Variants in CCDC85A observed in about 807,000 individuals in gnomAD.
CCDC85A encodes coiled-coil domain-containing protein 85A.
In CCDC85A, 38 loss-of-function variants were observed where a neutral mutation model predicts 50.2. The ratio of observed to expected loss-of-function variants is 0.76; its 90% CI spans 0.58 to 0.99. CCDC85A has a LOEUF of 0.99. Among genes scored for constraint, CCDC85A ranks in the 50% least tolerant of loss-of-function variants. CCDC85A has a pLI of 0.00. For missense variants in CCDC85A, 820 were observed against 742.0 expected (o/e 1.11, Z -1.22); for synonymous variants, 366 against 301.4 (o/e 1.21, Z -2.22).
intron 2 of CCDC85A, among the ~76,000 whole-genome samples, chr2:56,244,046 C>T (rs1211408397): frequency 1.3e-5 from 2 of 152,138 alleles, no homozygotes; most frequent in East Asian, 3.9e-4. Flanking sequence ...TGGGTCTTGC[C>T]TAAGGCCCAC....
chr2:56,349,329 A>G (rs182547552), intron 3 of CCDC85A, among the ~76,000 whole-genome samples: 9 of 152,302 alleles, frequency 5.9e-5, no homozygotes, highest in Admixed American at 2.6e-4. Context: ...GTGTAGTTCA[A>G]TAGAGCTTTC....
intron 2 of CCDC85A, among the ~76,000 whole-genome samples, chr2:56,201,076 C>CTCT (rs150330240): frequency 0.024 from 3,607 of 147,304 alleles, 51 homozygotes; most frequent in East Asian, 0.035. Flanking sequence ...TCATCTCTCT[C>CTCT]CACACACACA....
At chr2:56,220,668 C>T (rs1054192812) in intron 2 of CCDC85A, among the ~76,000 whole-genome samples, 5 of 151,944 alleles carry the variant, frequency 3.3e-5, no homozygotes, top group Admixed American at 6.6e-5. Context: ...AGTGAAATGA[C>T]GTTCCGGAAG....
intron 2 of CCDC85A, among the ~76,000 whole-genome samples, chr2:56,320,712 C>G (rs142451410): frequency 6.6e-6 from 1 of 152,078 alleles, no homozygotes; most frequent in African/African-American, 2.4e-5. Context: ...ACCAGAGGTA[C>G]GAGGAGGAGC....
intron 2 of CCDC85A, among the ~76,000 whole-genome samples, chr2:56,312,028 A>C (rs1200521603): frequency 3.9e-5 from 6 of 152,134 alleles, no homozygotes; most frequent in African/African-American, 1.4e-4. Context: ...CGGTCGGGGC[A>C]CTTGCTTCTG....
intron 2 of CCDC85A, among the ~76,000 whole-genome samples, chr2:56,336,703 A>T (rs1256971263): frequency 6.6e-6 from 1 of 152,212 alleles, no homozygotes; most frequent in Non-Finnish European, 1.5e-5. Flanking sequence ...AACAAAAGGG[A>T]AGTAAAGAGG....
intron 1 of CCDC85A, among the ~76,000 whole-genome samples, chr2:56,188,370 C>T (rs72801165): frequency 0.02 from 3,059 of 152,310 alleles, 51 homozygotes; most frequent in South Asian, 0.046. Context: ...ATACTCACTC[C>T]TATCTACTCC....
intron 2 of CCDC85A, among the ~76,000 whole-genome samples, chr2:56,252,911 C>T (rs139161005): frequency 1.4e-4 from 21 of 152,034 alleles, no homozygotes; most frequent in African/African-American, 3.6e-4. Context: ...TTATACTACT[C>T]GGGAGGCTGA....
At chr2:56,202,552 C>T (rs557729517) in intron 2 of CCDC85A, among the ~76,000 whole-genome samples, 1 of 152,226 alleles carries the variant, frequency 6.6e-6, no homozygotes, top group African/African-American at 2.4e-5. Context: ...GGGAAAGAGA[C>T]CAGGAGCAAA....
At chr2:56,221,173 A>C (rs1668310957) in intron 2 of CCDC85A, among the ~76,000 whole-genome samples, 1 of 152,100 alleles carries the variant, frequency 6.6e-6, no homozygotes, top group South Asian at 2.1e-4. Context: ...GTTTGGGTTC[A>C]TAGATGGCTA....
intron 3 of CCDC85A, among the ~76,000 whole-genome samples, chr2:56,351,819 G>C (rs1365040392): frequency 6.6e-6 from 1 of 151,924 alleles, no homozygotes; most frequent in Non-Finnish European, 1.5e-5. Flanking sequence ...TCACTCCAAT[G>C]GTAGTTTCTT....
At chr2:56,209,223 A>G (rs1325085940) in intron 2 of CCDC85A, among the ~76,000 whole-genome samples, 4 of 152,146 alleles carry the variant, frequency 2.6e-5, no homozygotes, top group Non-Finnish European at 5.9e-5. Context: ...AGTAAATAGA[A>G]TGCTAATTTG....
chr2:56,340,978 G>C (rs1674337896), intron 2 of CCDC85A, among the ~76,000 whole-genome samples: 1 of 151,856 alleles, frequency 6.6e-6, no homozygotes, highest in Admixed American at 6.6e-5. Context: ...GAGATCAAGT[G>C]CACTGTTTGA....
At chr2:56,246,522 G>T (rs1375028640) in intron 2 of CCDC85A, among the ~76,000 whole-genome samples, 1 of 151,796 alleles carries the variant, frequency 6.6e-6, no homozygotes, top group Non-Finnish European at 1.5e-5. Flanking sequence ...AAGATCTTTG[G>T]TCCATTTTGA....
At chr2:56,194,434 A>G (rs1558578029) in intron 2 of CCDC85A, among the ~76,000 whole-genome samples, 1 of 152,308 alleles carries the variant, frequency 6.6e-6, no homozygotes, top group Non-Finnish European at 1.5e-5. Flanking sequence ...GATTGATTTT[A>G]TATACTGTGG....
chr2:56,192,444 A>T lies in CCDC85A; in HGVS notation c.277-33A>T. ...GAGCCTGCTGACACCTCAGATGTGTACTTCCCTTGAATGGTTGTGTCTCTC... is the reference window on the plus strand; with the variant it reads ...GAGCCTGCTGACACCTCAGATGTGTTCTTCCCTTGAATGGTTGTGTCTCTC... On this transcript the variant is annotated intron_variant, in intron 1 of 5. Transcript: ENST00000407595. The surrounding 1 kb of genome is among the most constrained non-coding windows in gnomAD (Gnocchi z 4.7). 6.3e-7 allele frequency: 1 copy of T among 1,574,980 alleles called. No individual in the cohort carries two copies. Among genetic ancestry groups the T allele is most frequent in the Non-Finnish European group, 8.6e-7 (1 of 1,160,692 alleles).
intron 2 of CCDC85A, among the ~76,000 whole-genome samples, chr2:56,204,750 A>G (rs1332165000): frequency 2.6e-5 from 4 of 152,176 alleles, no homozygotes; most frequent in African/African-American, 9.7e-5. Flanking sequence ...TTCACCATGC[A>G]TGGCATGACC....
At chr2:56,243,264 C>G (rs1008873807) in intron 2 of CCDC85A, among the ~76,000 whole-genome samples, 4 of 152,144 alleles carry the variant, frequency 2.6e-5, no homozygotes, top group Non-Finnish European at 4.4e-5. Context: ...AAGCCAATAA[C>G]TCTTAGGTTT....
intron 2 of CCDC85A, among the ~76,000 whole-genome samples, chr2:56,226,306 A>C (rs1182891715): frequency 6.6e-6 from 1 of 152,160 alleles, no homozygotes; most frequent in Non-Finnish European, 1.5e-5. Context: ...CAAGGACTGT[A>C]TCTGTTTTGC....
Sources: gnomAD v4.1 joint callset for allele counts (sites outside exome capture counted in the v4.1 genomes callset) on GRCh38, gnomAD v4.1.1 for gene constraint, Gnocchi (gnomAD v3.1) non-coding constraint, MANE v1.5 for transcripts, NCBI Gene and HGNC (gene_info 2026-07-23, HGNC 2026-07-21) for gene names.